VBP1: variants seen among roughly 807,000 people sequenced by gnomAD.
VBP1 encodes VHL binding protein 1, also known as prefoldin subunit 3.
Under a neutral mutation model 15.5 loss-of-function variants are expected in VBP1, and 4 were observed. The observed-to-expected ratio is 0.26, with a 90% confidence interval of 0.13 to 0.59. The LOEUF is 0.59. Among genes scored for constraint, VBP1 ranks in the 20% least tolerant of loss-of-function variants. The probability of loss-of-function intolerance (pLI) is 0.90; values close to 1 mark genes in which losing one functional copy is unlikely to be tolerated. For synonymous variants in VBP1, 61 were observed against 52.1 expected, an observed-to-expected ratio of 1.17 and a Z score of -0.74; for missense variants, 108 against 139.6, an observed-to-expected ratio of 0.77 and a Z score of 1.14.
intron 2 of VBP1, among the ~76,000 whole-genome samples, chrX:155,226,893 T>C (rs1394676084): frequency 9.0e-6 from 1 of 111,640 alleles, no homozygotes; most frequent in East Asian, 2.8e-4. Context: ...TAAATAGCCA[T>C]GGGGTATTTG....
rs782588955 is a variant in VBP1 at position 155,217,471 on chromosome X, T to C, written c.93+896T>C. 1.5e-4 allele frequency among the ~76,000 whole-genome samples: 17 copies of C among 113,072 alleles called. No individual in the cohort carries two copies. In the East Asian group the frequency reaches 3.9e-3, roughly 26 times the overall value. On this transcript the variant is annotated intron_variant, in intron 1 of 5. Coordinates refer to ENST00000286428, the MANE Select transcript of VBP1 (RefSeq NM_003372.7). ...CCACTTAGCTACTATAAAATCTTCA[T>C]GGAAGTTTCTCAATCTTTTGGTTTG... is the stretch of plus-strand genomic sequence containing the variant.
chrX:155,225,610 T>A (rs2074716002), intron 2 of VBP1, among the ~76,000 whole-genome samples: 1 of 112,022 alleles, frequency 8.9e-6, no homozygotes, highest in Middle Eastern at 4.6e-3. Flanking sequence ...ATCTGATTGA[T>A]TCATTAATAT....
chrX:155,217,335 T>C (rs1405853699), intron 1 of VBP1, among the ~76,000 whole-genome samples: 1 of 112,056 alleles, frequency 8.9e-6, no homozygotes, highest in Non-Finnish European at 1.9e-5. Flanking sequence ...GCTGGGTGGC[T>C]TTTTAAAAAT....
intron 4 of VBP1, among the ~76,000 whole-genome samples, chrX:155,233,541 G>A (rs139218183): frequency 0.054 from 6,013 of 112,230 alleles, 390 homozygotes; most frequent in African/African-American, 0.19. Context: ...GACAAATGAT[G>A]TAAATATCTC....
Position 155,220,046 on chromosome X carries a change from C to T in VBP1, c.94-137C>T, listed in dbSNP as rs991911564. 1.5e-5 allele frequency: 8 copies of T among 518,749 alleles called. No homozygotes were observed. The African/African-American group carries it at 2.0e-4, about 13-fold the overall frequency. 42.8% of individuals were successfully genotyped at this position (518,749 alleles called of 1,213,427 possible). A position where few individuals can be genotyped will look rare whatever the true frequency, so the allele number is the denominator to read the frequency against. On this transcript the variant is annotated intron_variant, in intron 1 of 5. Transcript: ENST00000286428. ...AAGCATTTTAGATAAGGGTGCTTAACCTGTACTTTTAGTTAAAAACAAACC... is the reference window on the plus strand; with the variant it reads ...AAGCATTTTAGATAAGGGTGCTTAATCTGTACTTTTAGTTAAAAACAAACC...
At chrX:155,234,579 C>A (rs1435245632) in intron 4 of VBP1, among the ~76,000 whole-genome samples, 9 of 112,044 alleles carry the variant, frequency 8.0e-5, no homozygotes, top group African/African-American at 2.9e-4. Flanking sequence ...CCTGTCCTTA[C>A]ACATTCTTTA....
chrX:155,203,169 A>C (rs184028437), intron 1 of VBP1, among the ~76,000 whole-genome samples: 2,870 of 111,449 alleles, frequency 0.026, 103 homozygotes, highest in Admixed American at 0.13. Context: ...GTGGGACTGT[A>C]AACTAGTTCA....
chrX:155,224,494 C>T (rs782790553), intron 2 of VBP1, among the ~76,000 whole-genome samples: 2 of 112,110 alleles, frequency 1.8e-5, no homozygotes, highest in East Asian at 2.8e-4. Context: ...CCCAGGCACT[C>T]GGCAGGCTGA....
At chrX:155,217,056 A>G (rs1019995456) in intron 1 of VBP1, among the ~76,000 whole-genome samples, 3 of 112,412 alleles carry the variant, frequency 2.7e-5, no homozygotes, top group Non-Finnish European at 5.6e-5. Context: ...TGCCTCGGGA[A>G]ATGGAAGAAG....
intron 2 of VBP1, among the ~76,000 whole-genome samples, chrX:155,221,206 C>G (rs1222402732): frequency 1.8e-5 from 2 of 111,152 alleles, no homozygotes; most frequent in African/African-American, 6.6e-5. Flanking sequence ...GTGGCATGCG[C>G]TTGTAATCCC....
At chrX:155,227,049 T>G in intron 2 of VBP1, 186 bp from the exon 3 acceptor site, 1 of 152,426 alleles carries the variant, frequency 6.6e-6, no homozygotes, top group Non-Finnish European at 1.3e-5. Flanking sequence ...GAATATTTCT[T>G]TAAATATTTT....
chrX:155,202,895 C>G (rs1385988777), intron 1 of VBP1, among the ~76,000 whole-genome samples: 1 of 111,549 alleles, frequency 9.0e-6, no homozygotes, highest in South Asian at 3.7e-4. Flanking sequence ...CTACAATGAA[C>G]TCAAACAAAT....
intron 4 of VBP1, among the ~76,000 whole-genome samples, chrX:155,232,509 C>G (rs996641637): frequency 1.1e-4 from 12 of 111,925 alleles, no homozygotes; most frequent in African/African-American, 3.9e-4. Flanking sequence ...GAAAGATAAG[C>G]AACTCCTCAG....
chrX:155,217,933 A>G (rs1041699319), intron 1 of VBP1, among the ~76,000 whole-genome samples: 1 of 111,327 alleles, frequency 9.0e-6, no homozygotes, highest in East Asian at 2.8e-4. Context: ...GGTAGTTCTC[A>G]TGAATCGCCC....
chrX:155,202,395 G>A (rs1357343671), intron 1 of VBP1, among the ~76,000 whole-genome samples: 7 of 111,549 alleles, frequency 6.3e-5, no homozygotes, highest in Non-Finnish European at 1.3e-4. Flanking sequence ...GCATGGTACT[G>A]GTACCAAAAC....
At chrX:155,198,934 G>A (rs953408553) in intron 1 of VBP1, among the ~76,000 whole-genome samples, 1 of 112,054 alleles carries the variant, frequency 8.9e-6, no homozygotes, top group African/African-American at 3.2e-5. Flanking sequence ...GGAGCTGAAA[G>A]CCAAGTCTCG....
At chrX:155,217,119 C>T (rs782816928) in intron 1 of VBP1, among the ~76,000 whole-genome samples, 2 of 111,880 alleles carry the variant, frequency 1.8e-5, no homozygotes, top group Admixed American at 1.9e-4. Context: ...CCTTCTGTGT[C>T]TTGCTAAGGA....
At chrX:155,212,559 G>A, upstream of VBP1, among the ~76,000 whole-genome samples, 1 of 112,062 alleles carries the variant, frequency 8.9e-6, no homozygotes, top group Non-Finnish European at 1.9e-5. Flanking sequence ...CACTAGAAGT[G>A]AGTCTGGAGA....
At chrX:155,201,734 A>C (rs1177383687) in intron 1 of VBP1, among the ~76,000 whole-genome samples, 2 of 106,020 alleles carry the variant, frequency 1.9e-5, no homozygotes, top group Non-Finnish European at 3.9e-5. Context: ...ACTCCTATTC[A>C]ACATAGTGTT....
Sources: gnomAD v4.1 joint callset for allele counts (sites outside exome capture counted in the v4.1 genomes callset) on GRCh38, gnomAD v4.1.1 for gene constraint, MANE v1.5 for transcripts, NCBI Gene and HGNC (gene_info 2026-07-23, HGNC 2026-07-21) for gene names.